Variants in PALM2AKAP2 observed in about 807,000 individuals in gnomAD.
PALM2AKAP2 encodes PALM2-AKAP2 fusion protein.
Under a neutral mutation model 71.5 loss-of-function variants are expected in PALM2AKAP2, and 37 were observed. The ratio of observed to expected loss-of-function variants is 0.52; its 90% CI spans 0.40 to 0.68. PALM2AKAP2 has a LOEUF of 0.68. PALM2AKAP2 is among the 30% of genes least tolerant of loss of function. The pLI is 0.00. For missense variants in PALM2AKAP2, 1,224 were observed against 1,191.8 expected, an observed-to-expected ratio of 1.03 and a Z score of -0.40; for synonymous variants, 468 against 478.8, an observed-to-expected ratio of 0.98 and a Z score of 0.29.
At chr9:110,064,592 T>G (rs1341796427) in intron 1 of PALM2AKAP2, among the ~76,000 whole-genome samples, 3 of 152,210 alleles carry the variant, frequency 2.0e-5, no homozygotes, top group Non-Finnish European at 4.4e-5. Flanking sequence ...GACTGTGATT[T>G]GAAGAGAAGG....
intron 3 of PALM2AKAP2, 48 bp downstream of exon 3, chr9:109,880,729 A>G: frequency 6.2e-7 from 1 of 1,605,276 alleles, no homozygotes; most frequent in Non-Finnish European, 8.5e-7. Flanking sequence ...TTTTCAGTGC[A>G]GTAACCACTG....
chr9:109,852,043 A>G (rs922467282), intron 1 of PALM2AKAP2, among the ~76,000 whole-genome samples: 14 of 152,228 alleles, frequency 9.2e-5, no homozygotes, highest in African/African-American at 2.9e-4. Flanking sequence ...AGTGGTTCTG[A>G]GCACAAACTC....
chr9:110,104,173 CTT>C, intron 1 of PALM2AKAP2, among the ~76,000 whole-genome samples: 1 of 120,078 alleles, frequency 8.3e-6, no homozygotes, highest in Non-Finnish European at 1.7e-5. Context: ...AAGATTTCTG[CTT>C]TTTTTTGGGG....
At chr9:109,900,352 A>T (rs769412032) in intron 3 of PALM2AKAP2, among the ~76,000 whole-genome samples, 4 of 152,252 alleles carry the variant, frequency 2.6e-5, no homozygotes, top group Admixed American at 6.5e-5. Context: ...ATTGAGTGTC[A>T]TGCATCGCAA....
rs201066314 is a variant in PALM2AKAP2, at chr9:109,932,052, G to T, written c.496+24G>T. The T allele has an allele frequency of 4.4e-6, 7 of 1,600,282 alleles. No individual in the cohort carries two copies. In the African/African-American group the frequency reaches 6.7e-5, roughly 15 times the overall value. On this transcript the variant is annotated intron_variant, in intron 6 of 9. Coordinates refer to the PALM2AKAP2 transcript ENST00000302798. The stretch of plus-strand genomic sequence containing the variant: ...TGGTAAGTCCTGGGGACCTTTGGAC[G>T]CTAGGATGGTCCAAGGGGCTTGCAT...
At chr9:110,012,525 T>C (rs1007264319) in intron 6 of PALM2AKAP2, among the ~76,000 whole-genome samples, 2 of 152,198 alleles carry the variant, frequency 1.3e-5, no homozygotes, top group Admixed American at 1.3e-4. Flanking sequence ...ATTTTACCTC[T>C]AGCTTTTAAA....
chr9:110,094,086 C>T (rs145552342), intron 1 of PALM2AKAP2, among the ~76,000 whole-genome samples: 3 of 152,296 alleles, frequency 2.0e-5, no homozygotes, highest in East Asian at 3.9e-4. Flanking sequence ...AACAAAGAGG[C>T]ACCTGGCCCC....
rs539262999 is a variant in PALM2AKAP2, at chr9:109,868,184, A to AAG, written c.126+629_126+630dup. On this transcript the variant is annotated intron_variant, in intron 2 of 9. Transcript: ENST00000302798. ...ACGGGTCTCCATGGTACCATCTAAA[A>AAG]AGAGAGAGAGAGAGAGACAGCACAC... is the stretch of plus-strand genomic sequence containing the variant. Among the ~76,000 whole-genome samples the AAG allele has an allele frequency of 2.3e-3, 347 of 151,420 alleles. 1 individual carries two copies. Among genetic ancestry groups the AAG allele is most frequent in the Admixed American group, 4.6e-3 (70 of 15,200 alleles).
chr9:109,790,614 A>G (rs941467378), intron 1 of PALM2AKAP2, among the ~76,000 whole-genome samples: 3 of 152,142 alleles, frequency 2.0e-5, no homozygotes, highest in Non-Finnish European at 2.9e-5. Flanking sequence ...TCACATGAGA[A>G]AGAGAGAGGC....
At position 109,953,878 on chromosome 9, in the gene PALM2AKAP2, G is replaced by T. The variant is rs537270038; in HGVS notation, c.496+21850G>T. Reference sequence around the variant, plus strand: ...AAAGAAAAGAAAGTAGTGTGGAGATGCCCCTGAGACTGGAGACAAAAAGAT... The same window carrying T: ...AAAGAAAAGAAAGTAGTGTGGAGATTCCCCTGAGACTGGAGACAAAAAGAT... On this transcript the variant is annotated intron_variant, in intron 6 of 9. Coordinates refer to the PALM2AKAP2 transcript ENST00000302798. Among the ~76,000 whole-genome samples, 4 of 150,102 alleles carry T rather than the reference G, an allele frequency of 2.7e-5. No individual in the cohort carries two copies. The South Asian group carries it at 8.5e-4, about 32-fold the overall frequency.
At chr9:109,868,549 CA>C (rs1427512871) in intron 2 of PALM2AKAP2, among the ~76,000 whole-genome samples, 3 of 152,060 alleles carry the variant, frequency 2.0e-5, no homozygotes, top group African/African-American at 7.2e-5. Flanking sequence ...TTTTTTTCAA[CA>C]AGATAAACCT....
intron 6 of PALM2AKAP2, among the ~76,000 whole-genome samples, chr9:110,010,508 TATATA>T (rs918270981): frequency 6.5e-4 from 96 of 147,456 alleles, no homozygotes; most frequent in African/African-American, 2.2e-3. Flanking sequence ...AATATAGCAA[TATATA>T]ATATAATTAT....
At chr9:110,114,855 G>C (rs746775823) in intron 1 of PALM2AKAP2, among the ~76,000 whole-genome samples, 1 of 152,102 alleles carries the variant, frequency 6.6e-6, no homozygotes, top group Non-Finnish European at 1.5e-5. Flanking sequence ...TCAACCATCC[G>C]GCTGTGCTCC....
At chr9:109,789,872 C>T (rs1470320533) in intron 1 of PALM2AKAP2, among the ~76,000 whole-genome samples, 2 of 152,244 alleles carry the variant, frequency 1.3e-5, no homozygotes, top group Middle Eastern at 3.4e-3. Flanking sequence ...AATTAAAATG[C>T]TCAAAAGGAG....
At chr9:110,057,905 A>G (rs1273975917) in intron 1 of PALM2AKAP2, among the ~76,000 whole-genome samples, 1 of 152,178 alleles carries the variant, frequency 6.6e-6, no homozygotes, top group Non-Finnish European at 1.5e-5. Flanking sequence ...GACAATTACA[A>G]CTATGCATCC....
At chr9:109,730,555 A>T (rs1828541035) in intron 1 of PALM2AKAP2, among the ~76,000 whole-genome samples, 1 of 152,352 alleles carries the variant, frequency 6.6e-6, no homozygotes, top group East Asian at 1.9e-4. Flanking sequence ...AAATTCTTCT[A>T]CAATTGGTCT....
chr9:109,872,559 G>T (rs10759383), intron 2 of PALM2AKAP2, among the ~76,000 whole-genome samples: 2 of 152,104 alleles, frequency 1.3e-5, no homozygotes, highest in Admixed American at 6.5e-5. Flanking sequence ...TCATGAGCGG[G>T]GAACCCTCAC....
At chr9:109,663,429 T>C (rs55819106) in intron 1 of PALM2AKAP2, among the ~76,000 whole-genome samples, 12,536 of 152,242 alleles carry the variant, frequency 0.082, 678 homozygotes, top group South Asian at 0.19. Context: ...TATTTCTGCC[T>C]TCACTTTCTT....
chr9:109,673,545 C>T (rs1448310108), intron 1 of PALM2AKAP2, among the ~76,000 whole-genome samples: 6 of 151,922 alleles, frequency 3.9e-5, no homozygotes, highest in African/African-American at 1.2e-4. Context: ...GTATGTGCCA[C>T]GTGGCAATGA....
Sources: allele counts gnomAD v4.1 joint callset (sites outside exome capture counted in the v4.1 genomes callset), GRCh38; gene constraint gnomAD v4.1.1; transcripts MANE v1.5; gene names NCBI Gene and HGNC (gene_info 2026-07-23, HGNC 2026-07-21).